The following EFCAB11 variants were observed in gnomAD, a reference collection of about 807,000 sequenced individuals.
EFCAB11 encodes EF-hand calcium binding domain 11.
EFCAB11 carries 14 observed loss-of-function variants against 23.0 expected under a neutral mutation model. The ratio of observed to expected loss-of-function variants is 0.61; its 90% CI spans 0.40 to 0.95. EFCAB11 has a LOEUF of 0.95. Ranked by LOEUF, EFCAB11 falls within the 40% of genes least tolerant of loss-of-function variation. EFCAB11 has a pLI of 0.00. For missense variants in EFCAB11, 198 were observed against 195.8 expected (o/e 1.01, Z -0.07); for synonymous variants, 65 against 66.6 (o/e 0.98, Z 0.11).
rs370087778 is a variant in EFCAB11 at position 89,834,431 on chromosome 14, G to A, written c.411-37107C>T. On this transcript the variant is annotated intron_variant, in intron 5 of 5. Transcript: ENST00000316738. The stretch of plus-strand genomic sequence containing the variant: ...TTTTTGTTTAAACTTCTAAAGATTT[G>A]TGAGTCTACTTGCAACCGGCAATTG... Among the ~76,000 whole-genome samples, 12 of 138,416 alleles carry A rather than the reference G, an allele frequency of 8.7e-5. No individual in the cohort carries two copies. The East Asian group carries it at 1.4e-3, about 16-fold the overall frequency. The allele number at this position is 138,416 out of a possible 152,430, so 90.8% of individuals were successfully genotyped here. A position where few individuals can be genotyped will look rare whatever the true frequency, so the allele number is the denominator to read the frequency against.
At chr14:89,929,655 G>A (rs1451594719) in intron 5 of EFCAB11, among the ~76,000 whole-genome samples, 2 of 152,104 alleles carry the variant, frequency 1.3e-5, no homozygotes, top group African/African-American at 4.8e-5. Flanking sequence ...CAAAGTGTGG[G>A]GATTACAGAT....
chr14:89,936,174 A>G (rs1471195567), intron 3 of EFCAB11, among the ~76,000 whole-genome samples: 1 of 152,232 alleles, frequency 6.6e-6, no homozygotes, highest in Non-Finnish European at 1.5e-5. Flanking sequence ...CAAAATTCAG[A>G]GAGAACTACA....
chr14:89,822,584 C>G (rs1321985067), intron 5 of EFCAB11, among the ~76,000 whole-genome samples: 1 of 152,156 alleles, frequency 6.6e-6, no homozygotes, highest in Non-Finnish European at 1.5e-5. Flanking sequence ...AGAAAAAAAG[C>G]TCCAGAAATT....
At chr14:89,843,126 T>A (rs1475894084) in intron 5 of EFCAB11, among the ~76,000 whole-genome samples, 1 of 152,138 alleles carries the variant, frequency 6.6e-6, no homozygotes, top group Non-Finnish European at 1.5e-5. Flanking sequence ...GCCCACTATA[T>A]AATATTCTCT....
At chr14:89,898,084 A>G (rs1322948847) in intron 5 of EFCAB11, among the ~76,000 whole-genome samples, 4 of 152,230 alleles carry the variant, frequency 2.6e-5, no homozygotes, top group Admixed American at 6.5e-5. Flanking sequence ...AAAAATAAAG[A>G]ATAACATTAT....
At chr14:89,826,445 G>A (rs1475115426) in intron 5 of EFCAB11, among the ~76,000 whole-genome samples, 1 of 151,986 alleles carries the variant, frequency 6.6e-6, no homozygotes, top group African/African-American at 2.4e-5. Flanking sequence ...TTGAGACGAA[G>A]TTGAAGAGGT....
Position 89,953,910 on chromosome 14 carries a change from G to A in EFCAB11, c.167C>T (p.Ser56Phe), listed in dbSNP as rs535924013. ...AAATATATAAGAAAGCTCTACCTTG[G>A]AGGGCTTGTACCCAAACAGCATTAC... ...AVVMLFGYKPSKIEVDSVMSS... is the reference protein window; with the variant it reads ...AVVMLFGYKPFKIEVDSVMSS... Residue 56 changes from serine to phenylalanine, a missense_variant, in exon 2 of 6, where the codon TCC becomes TTC. Coordinates refer to ENST00000316738, the MANE Select transcript of EFCAB11 (RefSeq NM_145231.4). 17 of 1,612,702 alleles carry A rather than the reference G, an allele frequency of 1.1e-5. No homozygotes were observed. The highest frequency in any genetic ancestry group is 1.4e-5 in the Non-Finnish European group (16 of 1,179,612).
At chr14:89,944,851 CAAT>C (rs1330488566) in intron 3 of EFCAB11, among the ~76,000 whole-genome samples, 2 of 149,162 alleles carry the variant, frequency 1.3e-5, no homozygotes, top group East Asian at 3.9e-4. Flanking sequence ...GATTTTAATA[CAAT>C]ATTAATAAAT....
At chr14:89,902,695 G>C (rs953060006) in intron 5 of EFCAB11, among the ~76,000 whole-genome samples, 9 of 152,158 alleles carry the variant, frequency 5.9e-5, no homozygotes, top group African/African-American at 2.2e-4. Flanking sequence ...ATATTAGAGA[G>C]AGTTGATACC....
intron 5 of EFCAB11, among the ~76,000 whole-genome samples, chr14:89,884,480 C>T (rs1888692042): frequency 6.6e-6 from 1 of 152,088 alleles, no homozygotes; most frequent in Admixed American, 6.5e-5. Flanking sequence ...TCCCCTCCCC[C>T]CACCAAGATG....
At chr14:89,899,934 C>T (rs1356725833) in intron 5 of EFCAB11, among the ~76,000 whole-genome samples, 1 of 152,172 alleles carries the variant, frequency 6.6e-6, no homozygotes, top group Non-Finnish European at 1.5e-5. Context: ...ACTAAAGACC[C>T]TGCCACTCCA....
chr14:89,919,517 G>A (rs968904782), intron 5 of EFCAB11, among the ~76,000 whole-genome samples: 2 of 152,176 alleles, frequency 1.3e-5, no homozygotes, highest in African/African-American at 4.8e-5. Flanking sequence ...TGGGAGAAAG[G>A]AGGAGGGTCG....
At chr14:89,872,001 A>T (rs1462371002) in intron 5 of EFCAB11, among the ~76,000 whole-genome samples, 3 of 152,232 alleles carry the variant, frequency 2.0e-5, no homozygotes. Context: ...GTGATTACAT[A>T]TGGAGAGATG....
At chr14:89,879,359 GAC>G (rs1481280502) in intron 5 of EFCAB11, among the ~76,000 whole-genome samples, 1 of 151,602 alleles carries the variant, frequency 6.6e-6, no homozygotes, top group Non-Finnish European at 1.5e-5. Flanking sequence ...TTCTTTTCCT[GAC>G]ACTTCTTCTT....
rs540385110 is a variant in EFCAB11, at chr14:89,914,845, G to C, written c.410+16696C>G. 2.1e-3 allele frequency among the ~76,000 whole-genome samples: 315 copies of C among 151,796 alleles called. 2 individuals are homozygous for C. The highest frequency in any genetic ancestry group is 3.9e-3 in the Non-Finnish European group (265 of 67,920). ...AAATATGTAGGGAAATTCAAAACCTGATCTCTCTGACTCCAAAGGCTGGGT... is the reference window on the plus strand; with the variant it reads ...AAATATGTAGGGAAATTCAAAACCTCATCTCTCTGACTCCAAAGGCTGGGT... On this transcript the variant is annotated intron_variant, in intron 5 of 5. Coordinates refer to ENST00000316738, the MANE Select transcript of EFCAB11 (RefSeq NM_145231.4).
At position 89,797,180 on chromosome 14, in the gene EFCAB11, TCG is replaced by T. The variant is rs1017328317; in HGVS notation, c.*61_*62del. ...CTGTAGCATGACATCATTAGTAGAG[TCG>T]AGTCTGCTGACATTACAATCTATTG... On this transcript the variant is annotated 3_prime_UTR_variant, in exon 6 of 6. Coordinates refer to ENST00000316738, the MANE Select transcript of EFCAB11 (RefSeq NM_145231.4). The T allele has an allele frequency of 4.2e-6, 6 of 1,440,220 alleles. No homozygotes were observed. The highest frequency in any genetic ancestry group is 5.8e-6 in the Non-Finnish European group (6 of 1,035,596). 89.2% of individuals were successfully genotyped at this position (1,440,220 alleles called of 1,614,324 possible). A position where few individuals can be genotyped will look rare whatever the true frequency, so the allele number is the denominator to read the frequency against.
At chr14:89,919,044 T>G (rs1889938850) in intron 5 of EFCAB11, among the ~76,000 whole-genome samples, 1 of 151,636 alleles carries the variant, frequency 6.6e-6, no homozygotes. Context: ...GCCCAAACAC[T>G]TTGGTCACAT....
chr14:89,934,099 T>C (rs565252233), intron 3 of EFCAB11, among the ~76,000 whole-genome samples: 1 of 152,166 alleles, frequency 6.6e-6, no homozygotes, highest in South Asian at 2.1e-4. Context: ...TCACAGGCTC[T>C]TGTGGGCCAC....
At chr14:89,803,436 A>G (rs771005319) in intron 5 of EFCAB11, among the ~76,000 whole-genome samples, 1 of 152,232 alleles carries the variant, frequency 6.6e-6, no homozygotes, top group Non-Finnish European at 1.5e-5. Flanking sequence ...ACTGACAGAT[A>G]GTAATTATTT....
Sources: gnomAD v4.1 joint callset for allele counts (sites outside exome capture counted in the v4.1 genomes callset) on GRCh38, gnomAD v4.1.1 for gene constraint, MANE v1.5 for transcripts, NCBI Gene and HGNC (gene_info 2026-07-23, HGNC 2026-07-21) for gene names.